P2RX5: variants seen among roughly 807,000 people sequenced by gnomAD.
P2RX5 encodes the protein purinergic receptor P2X 5, also known as P2X purinoceptor 5.
Under a neutral mutation model 54.1 loss-of-function variants are expected in P2RX5, and 46 were observed. The observed-to-expected ratio is 0.85, with a 90% CI of 0.67 to 1.09. The LOEUF (loss-of-function observed/expected upper bound fraction) is 1.09, where lower values mean the gene tolerates loss of function less well. P2RX5 is among the 50% of genes least tolerant of loss of function. The pLI, the probability that P2RX5 is intolerant of heterozygous loss-of-function variation, is 0.00. For missense variants in P2RX5, 566 were observed against 549.8 expected, an observed-to-expected ratio of 1.03 and a Z score of -0.29; for synonymous variants, 226 against 226.4, an observed-to-expected ratio of 1.00 and a Z score of 0.02.
At chr17:3,723,704 G>A in the P2RX5 span, 1 of 1,602,254 alleles carries the variant, frequency 6.2e-7, no homozygotes, top group Non-Finnish European at 8.5e-7. Flanking sequence ...CGAACTGTAC[G>A]CACAAGCGCG....
the P2RX5 span, among the ~76,000 whole-genome samples, chr17:3,723,115 T>A: frequency 6.6e-6 from 1 of 152,204 alleles, no homozygotes; most frequent in Non-Finnish European, 1.5e-5. Context: ...AACTGGAGTA[T>A]ATCTCCCTCC....
chr17:3,707,128 T>C, the P2RX5 span, among the ~76,000 whole-genome samples: 1 of 152,180 alleles, frequency 6.6e-6, no homozygotes, highest in African/African-American at 2.4e-5. Context: ...TAAACTTTTA[T>C]TGTTTAAAAA....
chr17:3,723,479 A>AATAGAGGGTG, the P2RX5 span: 8 of 1,058,880 alleles, frequency 7.6e-6, 1 homozygote, highest in African/African-American at 7.8e-5. Context: ...AAGGTCCCAG[A>AATAGAGGGTG]ATAGAGGGTG....
At chr17:3,683,341 C>G (rs1380506603) in intron 9 of P2RX5, among the ~76,000 whole-genome samples, 2 of 152,218 alleles carry the variant, frequency 1.3e-5, no homozygotes, top group African/African-American at 4.8e-5. Flanking sequence ...AGAGACCAAC[C>G]CCAAACCTAA....
chr17:3,720,174 G>A, the P2RX5 span: 1 of 579,842 alleles, frequency 1.7e-6, no homozygotes, highest in Non-Finnish European at 3.1e-6. Flanking sequence ...GGTCACAAAG[G>A]CAGCGATGGC....
rs1288422782 is a variant in P2RX5, at chr17:3,679,644, C to T, written c.1205G>A (p.Ser402Asn). 1.2e-6 allele frequency: 2 copies of T among 1,610,274 alleles called. No homozygotes were observed. ...AGATCCGTTCCCCTTCTGACTGCTG[C>T]TTCCACGCTTCGCCTCGGGTGGCTC... is the stretch of plus-strand genomic sequence containing the variant. ...LQEPPEAKRG[S>N]SSQKGNGSVC... is the part of the protein sequence containing the mutation. Residue 402 changes from serine (S) to asparagine (N), a missense_variant, in exon 11 of 12, where the codon AGC (serine) becomes AAC (asparagine). By Grantham distance (46) the Ser-to-Asn change is conservative. Transcript: ENST00000225328.
chr17:3,680,147 G>A lies in P2RX5; in HGVS notation c.1065-363C>T, dbSNP rs1433969949. 1.4e-3 allele frequency among the ~76,000 whole-genome samples: 82 copies of A among 57,032 alleles called. 2 individuals are homozygous for A. The highest frequency in any genetic ancestry group is 1.8e-3 in the Non-Finnish European group (55 of 30,170). The allele number at this position is 57,032 out of a possible 152,430, so 37.4% of individuals were successfully genotyped here. ...CTCCACCCTGCATCCTCCACCCTGA[G>A]TCCTCCATCCGGTGTCCTCCACCCT... is the stretch of plus-strand genomic sequence containing the variant. On this transcript the variant is annotated intron_variant, in intron 10 of 11. Transcript: ENST00000225328.
chr17:3,685,758 G>C (rs1401459032), intron 9 of P2RX5, among the ~76,000 whole-genome samples: 1 of 19,332 alleles, frequency 5.2e-5, no homozygotes, highest in African/African-American at 8.0e-5. Flanking sequence ...GGGGCCCCCA[G>C]GGACCCTCCC....
chr17:3,679,641 CT>C lies in P2RX5; in HGVS notation c.1207del (p.Ser403AlafsTer74). The part of the protein sequence containing the change: ...QEPPEAKRGS[S>X]SQKGNGSVCP... ...CACAGATCCGTTCCCCTTCTGACTGCTGCTTCCACGCTTCGCCTCGGGTGGC... is the reference window on the plus strand; with the variant it reads ...CACAGATCCGTTCCCCTTCTGACTGCGCTTCCACGCTTCGCCTCGGGTGGC... On this transcript the variant is annotated frameshift_variant, in exon 11 of 12. Transcript: ENST00000225328. LOFTEE classifies it high-confidence loss of function. 1 of 1,610,138 alleles carries C rather than the reference CT, an allele frequency of 6.2e-7. No individual in the cohort carries two copies. The highest frequency in any genetic ancestry group is 8.5e-7 in the Non-Finnish European group (1 of 1,179,838).
In P2RX5 at chr17:3,681,998, G is replaced by A. The variant is rs751924662; in HGVS notation, c.982-20C>T. 2 of 1,563,132 alleles carry A rather than the reference G, an allele frequency of 1.3e-6. No homozygotes were observed. Among genetic ancestry groups the A allele is most frequent in the East Asian group, 2.2e-5 (1 of 44,652 alleles). ...AGCACCCTGCAAAACAGGGGTTCCT[G>A]ATTCAGAATCCTAGACCTCTGAGAG... On this transcript the variant is annotated intron_variant, in intron 9 of 11. Transcript: ENST00000225328.
the P2RX5 span, chr17:3,714,888 C>G: frequency 1.9e-6 from 3 of 1,611,620 alleles, no homozygotes; most frequent in East Asian, 6.7e-5. Context: ...TTCAGCTGGG[C>G]CTTCCTGATG....
intron 9 of P2RX5, among the ~76,000 whole-genome samples, chr17:3,684,922 C>T (rs141417386): frequency 0.022 from 3,201 of 142,830 alleles, 60 homozygotes; most frequent in Admixed American, 0.062. Context: ...CTGGGCTCAC[C>T]GCAACCTCCT....
upstream of P2RX5, among the ~76,000 whole-genome samples, chr17:3,699,094 C>CACACACACACACA (rs57191097): frequency 4.7e-4 from 50 of 107,022 alleles, 2 homozygotes; most frequent in South Asian, 1.6e-3. Flanking sequence ...CACACACACA[C>CACACACACACACA]CTATATATAT....
chr17:3,718,867 G>A, the P2RX5 span, among the ~76,000 whole-genome samples: 55 of 152,294 alleles, frequency 3.6e-4, no homozygotes, highest in African/African-American at 1.3e-3. Flanking sequence ...AATCTGGGCA[G>A]TGCAATAATG....
chr17:3,680,873 C>T (rs222772), intron 10 of P2RX5, among the ~76,000 whole-genome samples: 31,863 of 86,330 alleles, frequency 0.37, 5,343 homozygotes, highest in East Asian at 0.63. Flanking sequence ...GTCCTCCACC[C>T]AGTGTCCTCC....
the P2RX5 span, among the ~76,000 whole-genome samples, chr17:3,710,764 C>T: frequency 6.6e-6 from 1 of 151,736 alleles, no homozygotes; most frequent in Non-Finnish European, 1.5e-5. Context: ...CCCATCTCTA[C>T]TAAAAATACA....
At chr17:3,680,147 GT>G (rs2050211576) in intron 10 of P2RX5, among the ~76,000 whole-genome samples, 4 of 57,072 alleles carry the variant, frequency 7.0e-5, no homozygotes, top group African/African-American at 8.3e-5. Flanking sequence ...TCCACCCTGA[GT>G]CCTCCATCCG....
Position 3,689,474 on chromosome 17 carries a change from T to G in P2RX5, c.753+18A>C. On this transcript the variant is annotated intron_variant, in intron 7 of 11. Transcript: ENST00000225328. The stretch of plus-strand genomic sequence containing the variant: ...CCCCAGGCCCTCAGGGAGGGCTCCC[T>G]GCGTGCACCCCACCCACCTCCAGGG... The G allele has an allele frequency of 6.2e-7, 1 of 1,613,438 alleles. No homozygotes were observed. The highest frequency in any genetic ancestry group is 8.5e-7 in the Non-Finnish European group (1 of 1,179,678).
chr17:3,689,852 G>A (rs1322334950), intron 6 of P2RX5, among the ~76,000 whole-genome samples: 3 of 152,034 alleles, frequency 2.0e-5, no homozygotes, highest in Admixed American at 6.5e-5. Flanking sequence ...GCACACACGC[G>A]TGCACGCACG....
Sources: allele counts gnomAD v4.1 joint callset (sites outside exome capture counted in the v4.1 genomes callset), GRCh38; gene constraint gnomAD v4.1.1; transcripts MANE v1.5; gene names NCBI Gene and HGNC (gene_info 2026-07-23, HGNC 2026-07-21).